RARB: variants seen among roughly 807,000 people sequenced by gnomAD.
RARB encodes the protein retinoic acid receptor beta, also known as HBV-activated protein.
In RARB, 17 loss-of-function variants were observed where a neutral mutation model predicts 51.9. That is an observed-to-expected ratio of 0.33 (90% CI 0.22 to 0.49). The LOEUF (loss-of-function observed/expected upper bound fraction) is 0.49, where lower values mean the gene tolerates loss of function less well. Among genes scored for constraint, RARB ranks in the 20% least tolerant of loss-of-function variants. The pLI, the probability that RARB is intolerant of heterozygous loss-of-function variation, is 0.99. For synonymous variants in RARB, 215 were observed against 195.4 expected, an observed-to-expected ratio of 1.10 and a Z score of -0.84; for missense variants, 369 against 550.8, an observed-to-expected ratio of 0.67 and a Z score of 3.30.
intron 5 of RARB, among the ~76,000 whole-genome samples, chr3:25,210,186 G>C (rs1365920839): frequency 6.6e-6 from 1 of 152,146 alleles, no homozygotes; most frequent in Non-Finnish European, 1.5e-5. Flanking sequence ...AAGTAACAAA[G>C]CTAGGCATGG....
chr3:25,477,886 G>A (rs1311445625), intron 2 of RARB, among the ~76,000 whole-genome samples: 2 of 152,200 alleles, frequency 1.3e-5, no homozygotes, highest in African/African-American at 4.8e-5. Context: ...GGGCCCAGCT[G>A]ATGACAGTCA....
At chr3:25,575,059 G>A (rs1700870023) in intron 4 of RARB, among the ~76,000 whole-genome samples, 1 of 152,130 alleles carries the variant, frequency 6.6e-6, no homozygotes, top group Non-Finnish European at 1.5e-5. Flanking sequence ...CAACCTTCTT[G>A]GCACCAGGGA....
chr3:25,181,844 A>G (rs1286202370), intron 5 of RARB, among the ~76,000 whole-genome samples: 5 of 152,150 alleles, frequency 3.3e-5, no homozygotes, highest in African/African-American at 1.2e-4. Flanking sequence ...CATGTCACCG[A>G]TGGCAGTGCT....
intron 2 of RARB, among the ~76,000 whole-genome samples, chr3:25,016,252 A>G (rs1043127327): frequency 6.6e-6 from 1 of 152,212 alleles, no homozygotes; most frequent in Non-Finnish European, 1.5e-5. Context: ...TTAAGATACT[A>G]TACTAACTCA....
intron 2 of RARB, among the ~76,000 whole-genome samples, chr3:24,962,840 C>A (rs1168189301): frequency 6.6e-6 from 1 of 152,162 alleles, no homozygotes; most frequent in African/African-American, 2.4e-5. Context: ...CTTTTATGCC[C>A]ATTTTTATGT....
At chr3:24,844,593 G>A (rs1047805421) in intron 1 of RARB, among the ~76,000 whole-genome samples, 2 of 152,158 alleles carry the variant, frequency 1.3e-5, no homozygotes, top group East Asian at 1.9e-4. Context: ...TGAGGACTGT[G>A]AGAAACAAAA....
chr3:25,160,477 C>G (rs1700455850), intron 4 of RARB, among the ~76,000 whole-genome samples: 1 of 152,120 alleles, frequency 6.6e-6, no homozygotes, highest in African/African-American at 2.4e-5. Context: ...TGAGCATCTT[C>G]AAGTTTCTCT....
At chr3:24,850,034 A>G (rs1702537195) in intron 1 of RARB, among the ~76,000 whole-genome samples, 1 of 152,158 alleles carries the variant, frequency 6.6e-6, no homozygotes, top group Non-Finnish European at 1.5e-5. Flanking sequence ...GACCAAGATG[A>G]TTGCATTTGC....
At chr3:25,514,291 G>T (rs1002780504) in intron 3 of RARB, among the ~76,000 whole-genome samples, 1 of 152,114 alleles carries the variant, frequency 6.6e-6, no homozygotes, top group African/African-American at 2.4e-5. Flanking sequence ...AACTGTCATG[G>T]TTAGGTTATT....
At chr3:25,474,437 G>A (rs1180268400) in intron 2 of RARB, among the ~76,000 whole-genome samples, 1 of 152,144 alleles carries the variant, frequency 6.6e-6, no homozygotes, top group African/African-American at 2.4e-5. Context: ...AATAAATTCA[G>A]AATAATAGCA....
At chr3:25,447,197 T>C (rs1368394680) in intron 1 of RARB, among the ~76,000 whole-genome samples, 3 of 152,212 alleles carry the variant, frequency 2.0e-5, no homozygotes, top group Non-Finnish European at 2.9e-5. Flanking sequence ...TGTAAGGATT[T>C]GTATGCAGAT....
At chr3:25,278,703 G>A (rs1230281331) in intron 5 of RARB, among the ~76,000 whole-genome samples, 1 of 152,168 alleles carries the variant, frequency 6.6e-6, no homozygotes, top group Non-Finnish European at 1.5e-5. Flanking sequence ...CAAAATAGCA[G>A]CCCCGTTACA....
At chr3:25,523,053 C>G (rs1698470004) in intron 3 of RARB, among the ~76,000 whole-genome samples, 1 of 152,226 alleles carries the variant, frequency 6.6e-6, no homozygotes, top group Admixed American at 6.5e-5. Flanking sequence ...TGTAATCCCA[C>G]TATGCGTTGA....
intron 3 of RARB, among the ~76,000 whole-genome samples, chr3:25,554,954 T>C (rs1211863062): frequency 6.6e-6 from 1 of 152,156 alleles, no homozygotes; most frequent in Non-Finnish European, 1.5e-5. Flanking sequence ...ATTAACCCAT[T>C]AATTCATAAA....
intron 5 of RARB, among the ~76,000 whole-genome samples, chr3:25,204,536 T>G (rs1021677761): frequency 6.6e-6 from 1 of 152,210 alleles, no homozygotes; most frequent in African/African-American, 2.4e-5. Context: ...CTGCTCTGTT[T>G]TTTCCCCATC....
At chr3:25,044,617 T>G (rs1251935845) in intron 2 of RARB, among the ~76,000 whole-genome samples, 1 of 152,212 alleles carries the variant, frequency 6.6e-6, no homozygotes, top group African/African-American at 2.4e-5. Context: ...AATAAATACT[T>G]GAAATATTTC....
chr3:25,276,525 A>G (rs1559341133), intron 5 of RARB, among the ~76,000 whole-genome samples: 1 of 152,256 alleles, frequency 6.6e-6, no homozygotes, highest in Non-Finnish European at 1.5e-5. Flanking sequence ...TTAATTCCGT[A>G]TTTCATTTTC....
intron 2 of RARB, among the ~76,000 whole-genome samples, chr3:24,944,223 T>G (rs1042121521): frequency 2.6e-5 from 4 of 152,198 alleles, no homozygotes; most frequent in Non-Finnish European, 5.9e-5. Flanking sequence ...TCTTGAGGTT[T>G]ATCTGTCTGG....
chr3:25,306,661 G>T (rs1044434990), intron 5 of RARB, among the ~76,000 whole-genome samples: 1 of 152,122 alleles, frequency 6.6e-6, no homozygotes, highest in African/African-American at 2.4e-5. Flanking sequence ...ATCCTTTCAT[G>T]ACCTATAGTT....
Sources: gnomAD v4.1 joint callset for allele counts (sites outside exome capture counted in the v4.1 genomes callset) on GRCh38, gnomAD v4.1.1 for gene constraint, MANE v1.5 for transcripts, NCBI Gene and HGNC (gene_info 2026-07-23, HGNC 2026-07-21) for gene names.